NAV3: variants seen among roughly 807,000 people sequenced by gnomAD.
NAV3 encodes neuron navigator 3, also known as pore membrane and/or filament interacting like protein 1.
Under a neutral mutation model 244.7 loss-of-function variants are expected in NAV3, and 87 were observed. The ratio of observed to expected loss-of-function variants is 0.36; its 90% CI spans 0.30 to 0.42. The LOEUF (loss-of-function observed/expected upper bound fraction) is 0.42, where lower values mean the gene tolerates loss of function less well. Among genes scored for constraint, NAV3 ranks in the 20% least tolerant of loss-of-function variants. The probability of loss-of-function intolerance (pLI) is 1.00; values close to 1 mark genes in which losing one functional copy is unlikely to be tolerated. For missense variants in NAV3, 2,663 were observed against 2,893.3 expected, an observed-to-expected ratio of 0.92 and a Z score of 1.83; for synonymous variants, 1,126 against 1,042.2, an observed-to-expected ratio of 1.08 and a Z score of -1.55.
intron 1 of NAV3, among the ~76,000 whole-genome samples, chr12:77,933,284 T>C (rs555816152): frequency 6.6e-6 from 1 of 152,196 alleles, no homozygotes; most frequent in African/African-American, 2.4e-5. Flanking sequence ...TTAGAGTGAT[T>C]GGGTGAGAGA....
At chr12:77,630,900 A>G (rs938584038) in intron 2 of NAV3, among the ~76,000 whole-genome samples, 3 of 152,230 alleles carry the variant, frequency 2.0e-5, no homozygotes, top group African/African-American at 4.8e-5. Context: ...TATAGAGTAC[A>G]AGAGCAGAAA....
At chr12:78,077,172 C>T (rs1953093400) in intron 12 of NAV3, among the ~76,000 whole-genome samples, 1 of 151,796 alleles carries the variant, frequency 6.6e-6, no homozygotes, top group South Asian at 2.1e-4. Context: ...GTTTTTACTC[C>T]TTGATACTAA....
At chr12:77,961,195 A>G (rs967802325) in intron 3 of NAV3, among the ~76,000 whole-genome samples, 1 of 138,316 alleles carries the variant, frequency 7.2e-6, no homozygotes, top group Non-Finnish European at 1.5e-5. Flanking sequence ...GCAATATATA[A>G]TATATATTTT....
At chr12:77,697,803 C>G (rs1215124074) in intron 2 of NAV3, among the ~76,000 whole-genome samples, 2 of 151,954 alleles carry the variant, frequency 1.3e-5, no homozygotes, top group African/African-American at 4.8e-5. Flanking sequence ...AAAATATGTG[C>G]CAAGAGCTTG....
intron 5 of NAV3, among the ~76,000 whole-genome samples, chr12:77,988,097 A>G (rs1870838666): frequency 6.6e-6 from 1 of 152,222 alleles, no homozygotes; most frequent in African/African-American, 2.4e-5. Flanking sequence ...TCTCCTTCCA[A>G]GGAGACATCT....
chr12:78,188,963 A>G (rs908019243), intron 33 of NAV3, among the ~76,000 whole-genome samples, 186 bp downstream of exon 33: 2 of 151,898 alleles, frequency 1.3e-5, no homozygotes, highest in Non-Finnish European at 2.9e-5. Context: ...TAAAAACACT[A>G]GAATATAAAG....
chr12:77,756,803 C>T (rs1869204128), intron 2 of NAV3, among the ~76,000 whole-genome samples: 1 of 152,038 alleles, frequency 6.6e-6, no homozygotes, highest in Non-Finnish European at 1.5e-5. Context: ...TCATATATTT[C>T]AGCTGGGTTA....
intron 5 of NAV3, among the ~76,000 whole-genome samples, chr12:77,982,092 T>C (rs1318355624): frequency 6.6e-6 from 1 of 152,230 alleles, no homozygotes; most frequent in Non-Finnish European, 1.5e-5. Flanking sequence ...TTGATAAATA[T>C]AGTTTATTCA....
chr12:77,940,549 T>C, intron 2 of NAV3, 113 bp downstream of exon 2: 1 of 750,426 alleles, frequency 1.3e-6, no homozygotes, highest in Non-Finnish European at 2.2e-6. Context: ...CTGAGATTCA[T>C]GTAGCTCTCC....
intron 11 of NAV3, among the ~76,000 whole-genome samples, chr12:78,055,004 A>T (rs1883273877): frequency 6.6e-6 from 1 of 152,158 alleles, no homozygotes; most frequent in Non-Finnish European, 1.5e-5. Context: ...TATGGAAAGA[A>T]CAGGGATCAT....
At chr12:78,165,735 T>G (rs1322730431) in intron 23 of NAV3, among the ~76,000 whole-genome samples, 1 of 151,680 alleles carries the variant, frequency 6.6e-6, no homozygotes, top group African/African-American at 2.4e-5. Context: ...AAACTAGAAA[T>G]AAACTATTGA....
intron 2 of NAV3, among the ~76,000 whole-genome samples, chr12:77,635,925 C>A (rs1872133309): frequency 3.3e-5 from 5 of 152,110 alleles, no homozygotes; most frequent in Admixed American, 3.3e-4. Context: ...ATTCCAAAGT[C>A]AGCCTCTTAC....
At chr12:77,679,237 G>A (rs1022148268) in intron 2 of NAV3, among the ~76,000 whole-genome samples, 1 of 152,076 alleles carries the variant, frequency 6.6e-6, no homozygotes, top group African/African-American at 2.4e-5. Flanking sequence ...AGTGCAAGAG[G>A]CACTGAAGGC....
At chr12:78,105,499 A>C (rs1161456121) in intron 12 of NAV3, among the ~76,000 whole-genome samples, 1 of 152,076 alleles carries the variant, frequency 6.6e-6, no homozygotes, top group African/African-American at 2.4e-5. Context: ...TTAATTATTA[A>C]TGAAGCTCAG....
intron 2 of NAV3, among the ~76,000 whole-genome samples, chr12:77,823,749 C>G (rs1031690401): frequency 6.6e-6 from 1 of 152,070 alleles, no homozygotes; most frequent in Non-Finnish European, 1.5e-5. Context: ...AGCAATGTGA[C>G]ATGACTCATA....
intron 8 of NAV3, among the ~76,000 whole-genome samples, chr12:78,016,754 G>C (rs1250150003): frequency 6.6e-6 from 1 of 152,106 alleles, no homozygotes; most frequent in African/African-American, 2.4e-5. Flanking sequence ...TCCACAGGGG[G>C]AAATATTTCT....
At chr12:77,884,474 G>T (rs1883046727) in intron 1 of NAV3, among the ~76,000 whole-genome samples, 1 of 152,038 alleles carries the variant, frequency 6.6e-6, no homozygotes, top group African/African-American at 2.4e-5. Context: ...GAAACTAAAG[G>T]CCTGAGAATC....
intron 1 of NAV3, among the ~76,000 whole-genome samples, chr12:77,902,051 T>A (rs1382784616): frequency 6.6e-6 from 1 of 152,210 alleles, no homozygotes; most frequent in Non-Finnish European, 1.5e-5. Context: ...AAACTAGTGA[T>A]ATATATACAT....
chr12:78,179,483 C>G, intron 28 of NAV3, 46 bp from the exon 29 acceptor site: 1 of 1,609,886 alleles, frequency 6.2e-7, no homozygotes, highest in Non-Finnish European at 8.5e-7. Context: ...TTTTCTTAAT[C>G]CTCTGGCTTC....
Sources: gnomAD v4.1 joint callset for allele counts (sites outside exome capture counted in the v4.1 genomes callset) on GRCh38, gnomAD v4.1.1 for gene constraint, MANE v1.5 for transcripts, NCBI Gene and HGNC (gene_info 2026-07-23, HGNC 2026-07-21) for gene names.